Variants in ACACA observed in about 807,000 individuals in gnomAD.
ACACA encodes the protein acetyl-CoA carboxylase alpha, also known as acetyl-CoA carboxylase 1.
Under a neutral mutation model 296.1 loss-of-function variants are expected in ACACA, and 103 were observed. The ratio of observed to expected loss-of-function variants is 0.35; its 90% CI spans 0.30 to 0.41. ACACA has a LOEUF of 0.41. Ranked by LOEUF, ACACA falls within the 10% of genes least tolerant of loss-of-function variation. ACACA has a pLI of 1.00. For missense variants in ACACA, 1,554 were observed against 2,989.7 expected (o/e 0.52, Z 11.20); for synonymous variants, 953 against 1,038.6 (o/e 0.92, Z 1.58).
At chr17:37,175,154 T>C (rs73982257) in intron 41 of ACACA, among the ~76,000 whole-genome samples, 1 of 152,334 alleles carries the variant, frequency 6.6e-6, no homozygotes, top group African/African-American at 2.4e-5. Flanking sequence ...ATTACTGGTC[T>C]AGTTCGCAGA....
At chr17:37,162,195 C>A in intron 41 of ACACA, 145 bp from the exon 42 acceptor site, 2 of 828,650 alleles carry the variant, frequency 2.4e-6, no homozygotes, top group Non-Finnish European at 3.9e-6. Context: ...CTGTGGGAAA[C>A]TACAAAAGAC....
intron 48 of ACACA, among the ~76,000 whole-genome samples, chr17:37,125,072 C>CTA (rs1335324610): frequency 6.6e-6 from 1 of 152,166 alleles, no homozygotes; most frequent in Non-Finnish European, 1.5e-5. Flanking sequence ...ATAGCAAGCA[C>CTA]TACAGATTAT....
At chr17:37,192,939 T>A (rs761275287) in intron 36 of ACACA, among the ~76,000 whole-genome samples, 1 of 152,146 alleles carries the variant, frequency 6.6e-6, no homozygotes, top group Non-Finnish European at 1.5e-5. Context: ...CTGGAATACA[T>A]GTCAATTGAG....
intron 55 of ACACA, among the ~76,000 whole-genome samples, chr17:37,087,986 A>AAATC (rs760832400): frequency 6.6e-5 from 10 of 152,208 alleles, no homozygotes; most frequent in Non-Finnish European, 1.3e-4. Context: ...CAAGGGGGGA[A>AAATC]AATCAGTAAT....
intron 24 of ACACA, among the ~76,000 whole-genome samples, chr17:37,238,321 G>A (rs1367061797): frequency 7.6e-5 from 8 of 104,728 alleles, no homozygotes; most frequent in African/African-American, 2.6e-4. Flanking sequence ...CCATTGTGCT[G>A]GTATCATTTA....
At chr17:37,283,239 T>C (rs1567938427) in intron 5 of ACACA, 28 bp downstream of exon 5, 1 of 1,613,828 alleles carries the variant, frequency 6.2e-7, no homozygotes, top group Non-Finnish European at 8.5e-7. Flanking sequence ...GTTTTGAGAG[T>C]GATGCTTTCA....
At position 37,188,274 on chromosome 17, in the gene ACACA, T is replaced by C. The variant is rs2077614347; in HGVS notation, c.4776+3A>G. 3 of 1,613,758 alleles carry C rather than the reference T, an allele frequency of 1.9e-6. No individual in the cohort carries two copies. Among genetic ancestry groups the C allele is most frequent in the Non-Finnish European group, 2.5e-6 (3 of 1,179,804 alleles). ...CTCTGAGGAGCCTGTTTGAGTATTG[T>C]ACCTGTGCTGTCCTGGAGTCAGTCA... is the stretch of plus-strand genomic sequence containing the variant. On this transcript the variant is annotated splice_donor_region_variant and intron_variant, in intron 39 of 55. Coordinates refer to ENST00000616317, the MANE Select transcript of ACACA (RefSeq NM_198834.3).
chr17:37,334,791 A>G (rs2048038267), intron 2 of ACACA, among the ~76,000 whole-genome samples: 1 of 151,914 alleles, frequency 6.6e-6, no homozygotes, highest in African/African-American at 2.4e-5. Context: ...CCTTAGCAAG[A>G]GTTTCTATGG....
chr17:37,376,350 G>A (rs1343848518), intron 1 of ACACA, among the ~76,000 whole-genome samples: 1 of 152,184 alleles, frequency 6.6e-6, no homozygotes, highest in Non-Finnish European at 1.5e-5. Flanking sequence ...TTCATGATGA[G>A]AGGTCTTCAG....
chr17:37,130,583 A>T (rs556637174), intron 45 of ACACA, among the ~76,000 whole-genome samples: 10 of 152,168 alleles, frequency 6.6e-5, no homozygotes, highest in South Asian at 6.2e-4. Context: ...AAAATAAAAT[A>T]AAAAATTAAA....
chr17:37,196,155 G>T (rs2077984843), intron 35 of ACACA, among the ~76,000 whole-genome samples: 1 of 151,970 alleles, frequency 6.6e-6, no homozygotes, highest in Non-Finnish European at 1.5e-5. Flanking sequence ...AAGAAATTGG[G>T]AGCTTGCTGG....
intron 8 of ACACA, among the ~76,000 whole-genome samples, chr17:37,275,495 CAA>C (rs34064045): frequency 9.7e-5 from 6 of 61,642 alleles, no homozygotes; most frequent in Admixed American, 5.4e-4. Flanking sequence ...GACTCCAACT[CAA>C]AAAAAAAAAA....
At chr17:37,216,672 G>A (rs2079013719) in intron 29 of ACACA, among the ~76,000 whole-genome samples, 7 of 151,806 alleles carry the variant, frequency 4.6e-5, no homozygotes, top group Admixed American at 4.6e-4. Context: ...TTACTACAAA[G>A]CAACTGTTCA....
rs1381105565 is a variant in ACACA, at chr17:37,113,246, C to T, written c.6294G>A (p.Leu2098=). Residue 2098 remains leucine, a synonymous_variant, in exon 51 of 56, where the codon CTG becomes CTA. Transcript: ENST00000616317. This position sits in a 1 kb window ranked among gnomAD's most constrained non-coding sequence, Gnocchi z 4.0. The stretch of plus-strand genomic sequence containing the variant: ...CATCCACAATGTAAGCACCAAACTT[C>T]AGCACTTGGTCGTACATATCTATGG... ...GGMKDMYDQV[L]KFGAYIVDGL... is the part of the protein sequence containing the mutation. 4.3e-6 allele frequency: 7 copies of T among 1,614,088 alleles called. No homozygotes were observed. In the African/African-American group the frequency reaches 9.3e-5, roughly 22 times the overall value.
chr17:37,353,873 C>G (rs1016224445), intron 1 of ACACA, among the ~76,000 whole-genome samples: 1 of 151,906 alleles, frequency 6.6e-6, no homozygotes, highest in Non-Finnish European at 1.5e-5. Context: ...TCTGGGAGGC[C>G]AAGGCAGGAG....
chr17:37,324,899 C>CA lies in ACACA; in HGVS notation c.338+5273dup, dbSNP rs1036438418. On this transcript the variant is annotated intron_variant, in intron 3 of 55. Transcript: ENST00000616317. Reference sequence around the variant, plus strand: ...TAAATAAGTAAAATAAAATAAAATACAAAAAATTAGCCAGGCATGGTGGGC... The same window carrying CA: ...TAAATAAGTAAAATAAAATAAAATACAAAAAAATTAGCCAGGCATGGTGGGC... Among the ~76,000 whole-genome samples, 12 of 142,146 alleles carry CA rather than the reference C, an allele frequency of 8.4e-5. No homozygotes were observed. In the South Asian group the frequency reaches 1.4e-3, roughly 17 times the overall value. The allele number at this position is 142,146 out of a possible 152,430, so 93.3% of individuals were successfully genotyped here. A position where few individuals can be genotyped will look rare whatever the true frequency, so the allele number is the denominator to read the frequency against.
At chr17:37,167,024 A>G (rs2076693632) in intron 41 of ACACA, among the ~76,000 whole-genome samples, 1 of 151,678 alleles carries the variant, frequency 6.6e-6, no homozygotes, top group Non-Finnish European at 1.5e-5. Flanking sequence ...GGGTCACTAC[A>G]ACCTCCACCT....
intron 21 of ACACA, among the ~76,000 whole-genome samples, chr17:37,244,024 T>C (rs111852064): frequency 0.02 from 3,058 of 152,184 alleles, 69 homozygotes; most frequent in Middle Eastern, 0.065. Flanking sequence ...TACTTTGAAA[T>C]TGCAACGTAA....
intron 25 of ACACA, 150 bp from the exon 26 acceptor site, chr17:37,226,602 A>C: frequency 1.3e-6 from 1 of 761,010 alleles, no homozygotes; most frequent in Non-Finnish European, 2.2e-6. Context: ...ACCCTAAACA[A>C]TGTGGTAAAG....
Sources: gnomAD v4.1 joint callset for allele counts (sites outside exome capture counted in the v4.1 genomes callset) on GRCh38, gnomAD v4.1.1 for gene constraint, Gnocchi (gnomAD v3.1) non-coding constraint, MANE v1.5 for transcripts, NCBI Gene and HGNC (gene_info 2026-07-23, HGNC 2026-07-21) for gene names.